SLC27A6: variants seen among roughly 807,000 people sequenced by gnomAD.
The protein encoded by SLC27A6 is long-chain fatty acid transport protein 6.
In SLC27A6, 74 loss-of-function variants were observed where a neutral mutation model predicts 63.9. The ratio of observed to expected loss-of-function variants is 1.16; its 90% CI spans 0.96 to 1.40. The LOEUF (loss-of-function observed/expected upper bound fraction) is 1.40, where lower values mean the gene tolerates loss of function less well. SLC27A6 is among the 40% of genes most tolerant of loss of function. The pLI is 0.00. For synonymous variants in SLC27A6, 287 were observed against 260.8 expected, an observed-to-expected ratio of 1.10 and a Z score of -0.97; for missense variants, 794 against 732.9, an observed-to-expected ratio of 1.08 and a Z score of -0.96.
intron 4 of SLC27A6, 123 bp downstream of exon 4, chr5:128,990,587 C>A: frequency 9.6e-7 from 1 of 1,041,852 alleles, no homozygotes; most frequent in Non-Finnish European, 1.4e-6. Context: ...GTTCTTAGAG[C>A]TTCCAAGATA....
Position 128,985,221 on chromosome 5 carries a change from A to G in SLC27A6, c.570A>G (p.Val190=). ...TGAAAGATTCTGTTCCACAAGGTGTAATTTCACTCAAAGAAAAACTGAGCA... is the reference window on the plus strand; with the variant it reads ...TGAAAGATTCTGTTCCACAAGGTGTGATTTCACTCAAAGAAAAACTGAGCA... ...WGMKDSVPQG[V]ISLKEKLSTS... The change falls in exon 2 of 10, where the codon GTA becomes GTG. Residue 190 remains valine, a synonymous_variant. Transcript: ENST00000262462. 1 of 1,613,938 alleles carries G rather than the reference A, an allele frequency of 6.2e-7. No homozygotes were observed. The highest frequency in any genetic ancestry group is 8.5e-7 in the Non-Finnish European group (1 of 1,179,876).
chr5:129,014,569 T>C (rs1751828792), intron 4 of SLC27A6, among the ~76,000 whole-genome samples: 1 of 152,218 alleles, frequency 6.6e-6, no homozygotes. Flanking sequence ...AAGGACTCTA[T>C]TTTGTAAAAT....
chr5:129,006,452 T>A (rs899874845), intron 4 of SLC27A6, among the ~76,000 whole-genome samples: 2 of 140,576 alleles, frequency 1.4e-5, no homozygotes, highest in East Asian at 2.0e-4. Flanking sequence ...CATGAGTGTG[T>A]GTGTGTGTGT....
rs1750743525 is a variant in SLC27A6, at chr5:128,985,155, A to C, written c.504A>C (p.Glu168Asp). Residue 168 changes from glutamate (E) to aspartate (D), a missense_variant, in exon 2 of 10, where the codon GAA becomes GAC. Physicochemically the swap from Glu to Asp is conservative, Grantham distance 45 (BLOSUM62 2). Transcript: ENST00000262462. ...TAGATTTGCTTGGAACGGTAGAAGAAATCCTTCCAAGCCTCTCAGAAAATA... is the reference window on the plus strand; with the variant it reads ...TAGATTTGCTTGGAACGGTAGAAGACATCCTTCCAAGCCTCTCAGAAAATA... ...VGADLLGTVE[E>D]ILPSLSENIS... The C allele has an allele frequency of 6.2e-7, 1 of 1,613,612 alleles. No individual in the cohort carries two copies.
intron 4 of SLC27A6, among the ~76,000 whole-genome samples, chr5:129,011,222 A>G (rs1751716371): frequency 6.6e-6 from 1 of 152,160 alleles, no homozygotes; most frequent in South Asian, 2.1e-4. Flanking sequence ...AGATATTGCT[A>G]ATCAAAGTGG....
chr5:129,010,197 T>C (rs957756270), intron 4 of SLC27A6, among the ~76,000 whole-genome samples: 1 of 152,160 alleles, frequency 6.6e-6, no homozygotes, highest in Non-Finnish European at 1.5e-5. Context: ...CTTCTTTGAC[T>C]CAGTCAGCAC....
At chr5:129,020,338 A>G (rs1044227077) in intron 5 of SLC27A6, among the ~76,000 whole-genome samples, 2 of 152,204 alleles carry the variant, frequency 1.3e-5, no homozygotes, top group East Asian at 1.9e-4. Context: ...AAGATAAACC[A>G]TAACTTAGAA....
chr5:128,994,865 A>G (rs1751103478), intron 4 of SLC27A6, among the ~76,000 whole-genome samples: 1 of 152,154 alleles, frequency 6.6e-6, no homozygotes. Context: ...TCTCTCAAAC[A>G]TGCACCCTAT....
In SLC27A6 at chr5:129,007,946, GA is replaced by G. The variant is rs1469356023; in HGVS notation, c.970-7937del. ...CATATATTTGAATGATAACAATTTG[GA>G]ATAATGTCCAGAATTTATTAATAAA... On this transcript the variant is annotated intron_variant, in intron 4 of 9. Transcript: ENST00000262462. Among the ~76,000 whole-genome samples the G allele has an allele frequency of 2.6e-5, 4 of 152,006 alleles. No individual in the cohort carries two copies. The East Asian group carries it at 5.8e-4, about 22-fold the overall frequency.
intron 1 of SLC27A6, among the ~76,000 whole-genome samples, chr5:128,967,521 C>T (rs976492480): frequency 6.6e-6 from 1 of 152,050 alleles, no homozygotes; most frequent in African/African-American, 2.4e-5. Flanking sequence ...ATACCAATAC[C>T]TTGTATAAAG....
intron 1 of SLC27A6, among the ~76,000 whole-genome samples, chr5:128,977,602 A>T (rs1252693305): frequency 6.6e-6 from 1 of 151,962 alleles, no homozygotes; most frequent in African/African-American, 2.4e-5. Context: ...GAAAATCTGA[A>T]CTCTAGTTCC....
rs149682798 is a variant in SLC27A6 at position 128,966,062 on chromosome 5, G to A, written c.-76G>A. 2,096 of 1,498,592 alleles carry A rather than the reference G, an allele frequency of 1.4e-3. 29 individuals are homozygous for A. In the African/African-American group the frequency reaches 0.027, roughly 19 times the overall value. 92.8% of individuals were successfully genotyped at this position (1,498,592 alleles called of 1,614,324 possible). A position where few individuals can be genotyped will look rare whatever the true frequency, so the allele number is the denominator to read the frequency against. On this transcript the variant is annotated 5_prime_UTR_variant, in exon 1 of 10. In the 5' UTR this introduces an upstream ATG that the reference lacks. Transcript: ENST00000262462. ...TGAGTAGTGAGGATCTGCGGTCTCC[G>A]TGGAGAGCTGTGCCTGGAAGAGAAG... is the stretch of plus-strand genomic sequence containing the variant.
At chr5:129,010,959 G>A (rs1329234587) in intron 4 of SLC27A6, among the ~76,000 whole-genome samples, 3 of 152,112 alleles carry the variant, frequency 2.0e-5, no homozygotes. Context: ...GAAGGGCCTA[G>A]GTTTATGGAA....
At chr5:129,024,421 G>T (rs1393636773) in intron 6 of SLC27A6, among the ~76,000 whole-genome samples, 2 of 152,130 alleles carry the variant, frequency 1.3e-5, no homozygotes, top group African/African-American at 4.8e-5. Flanking sequence ...ACTTTAGACA[G>T]ATTACTCAAC....
intron 4 of SLC27A6, among the ~76,000 whole-genome samples, chr5:128,991,827 A>G (rs564441686): frequency 2.6e-5 from 4 of 152,092 alleles, no homozygotes; most frequent in South Asian, 2.1e-4. Context: ...ACAGATAAGC[A>G]GAGACAGTTG....
At chr5:128,991,279 C>T (rs1750973708) in intron 4 of SLC27A6, among the ~76,000 whole-genome samples, 1 of 152,176 alleles carries the variant, frequency 6.6e-6, no homozygotes, top group Admixed American at 6.5e-5. Flanking sequence ...GTGCAGTCAC[C>T]TTCCCCAGCT....
chr5:128,979,302 TC>T (rs1290422307), intron 1 of SLC27A6, among the ~76,000 whole-genome samples: 1 of 151,758 alleles, frequency 6.6e-6, no homozygotes, highest in Non-Finnish European at 1.5e-5. Flanking sequence ...CATAACTACT[TC>T]CCAACCCTCA....
At chr5:128,972,452 T>G (rs1461872385) in intron 1 of SLC27A6, among the ~76,000 whole-genome samples, 1 of 152,250 alleles carries the variant, frequency 6.6e-6, no homozygotes, top group Non-Finnish European at 1.5e-5. Context: ...TTCGAGGCTT[T>G]GTTTTTTCTT....
At chr5:128,989,923 CAAAAAAAAA>C (rs11415836) in intron 3 of SLC27A6, among the ~76,000 whole-genome samples, 1 of 96,474 alleles carries the variant, frequency 1.0e-5, no homozygotes, top group Non-Finnish European at 2.1e-5. Flanking sequence ...GACTCCGTCT[CAAAAAAAAA>C]AAAAAAAAGA....
Sources: allele counts gnomAD v4.1 joint callset (sites outside exome capture counted in the v4.1 genomes callset), GRCh38; gene constraint gnomAD v4.1.1; transcripts MANE v1.5; gene names NCBI Gene and HGNC (gene_info 2026-07-23, HGNC 2026-07-21).